CYP7B1: variants seen among roughly 807,000 people sequenced by gnomAD.
CYP7B1 encodes the protein cytochrome P450 family 7 subfamily B member 1.
A neutral mutation model predicts 42.7 loss-of-function variants in CYP7B1; 29 were observed. The observed-to-expected ratio is 0.68, with a 90% CI of 0.51 to 0.93. The LOEUF (loss-of-function observed/expected upper bound fraction) is 0.93. Among genes scored for constraint, CYP7B1 ranks in the 40% least tolerant of loss-of-function variants. The probability of loss-of-function intolerance (pLI) is 0.00; values close to 1 mark genes in which losing one functional copy is unlikely to be tolerated. For synonymous variants in CYP7B1, 235 were observed against 218.2 expected (o/e 1.08, Z -0.68); for missense variants, 655 against 600.5 (o/e 1.09, Z -0.95).
chr8:64,622,655 C>A (rs1243995972), intron 2 of CYP7B1, among the ~76,000 whole-genome samples: 1 of 151,904 alleles, frequency 6.6e-6, no homozygotes, highest in African/African-American at 2.4e-5. Context: ...TAGAGGGGAA[C>A]CTTAAGCATG....
chr8:64,730,978 C>T (rs1807400715), intron 1 of CYP7B1, among the ~76,000 whole-genome samples: 1 of 152,148 alleles, frequency 6.6e-6, no homozygotes, highest in Non-Finnish European at 1.5e-5. Context: ...TTTCCCTCCT[C>T]ACTCTGCACT....
intron 1 of CYP7B1, among the ~76,000 whole-genome samples, chr8:64,685,590 G>C (rs1483226383): frequency 3.6e-5 from 1 of 27,530 alleles, no homozygotes; most frequent in East Asian, 6.5e-4. Context: ...GTCTCTGCCC[G>C]GCCGCCCCGT....
chr8:64,797,860 C>T (rs1391905862), intron 1 of CYP7B1, among the ~76,000 whole-genome samples: 1 of 152,168 alleles, frequency 6.6e-6, no homozygotes, highest in African/African-American at 2.4e-5. Context: ...TAAAGTGACA[C>T]ACGTCTAGAT....
chr8:64,709,096 TCTTCTCTATCAGCTCTGCA>T (rs1807042705), intron 1 of CYP7B1, among the ~76,000 whole-genome samples: 1 of 152,196 alleles, frequency 6.6e-6, no homozygotes, highest in Non-Finnish European at 1.5e-5. Context: ...TGCAGGATTC[TCTTCTCTATCAGCTCTGCA>T]CCAGAGGCAA....
intron 1 of CYP7B1, among the ~76,000 whole-genome samples, chr8:64,716,078 T>C (rs961132207): frequency 9.8e-5 from 15 of 152,368 alleles, no homozygotes; most frequent in African/African-American, 3.6e-4. Flanking sequence ...TGTTCTAACA[T>C]AAGCATTTAA....
intron 1 of CYP7B1, among the ~76,000 whole-genome samples, chr8:64,634,095 T>C (rs1446780979): frequency 6.6e-6 from 1 of 152,220 alleles, no homozygotes. Context: ...GATTTGCACA[T>C]GACATAAACA....
chr8:64,768,339 C>T (rs1804146264), intron 1 of CYP7B1, among the ~76,000 whole-genome samples: 1 of 151,202 alleles, frequency 6.6e-6, no homozygotes, highest in African/African-American at 2.4e-5. Context: ...TCTGTTTTCA[C>T]TCTATTAAAT....
intron 1 of CYP7B1, among the ~76,000 whole-genome samples, chr8:64,758,535 T>C (rs1807842052): frequency 1.3e-5 from 2 of 152,038 alleles, no homozygotes; most frequent in Non-Finnish European, 2.9e-5. Context: ...TTTAATATTA[T>C]TTAAATTTAT....
At chr8:64,601,007 C>T (rs1004935685) in intron 5 of CYP7B1, among the ~76,000 whole-genome samples, 2 of 152,246 alleles carry the variant, frequency 1.3e-5, no homozygotes, top group African/African-American at 2.4e-5. Flanking sequence ...ATGTTTGTTT[C>T]CTTTAAGTCT....
At chr8:64,613,715 A>G (rs1805394366) in intron 4 of CYP7B1, among the ~76,000 whole-genome samples, 1 of 152,192 alleles carries the variant, frequency 6.6e-6, no homozygotes, top group African/African-American at 2.4e-5. Context: ...AAAAGAAAAT[A>G]TAAAATTTAT....
chr8:64,777,714 C>A (rs1804349724), intron 1 of CYP7B1, among the ~76,000 whole-genome samples: 1 of 151,844 alleles, frequency 6.6e-6, no homozygotes, highest in Admixed American at 6.6e-5. Context: ...TATCTATAAC[C>A]CAAAGACTCC....
intron 1 of CYP7B1, among the ~76,000 whole-genome samples, chr8:64,765,244 T>A (rs1009255791): frequency 1.3e-5 from 2 of 152,210 alleles, no homozygotes; most frequent in African/African-American, 4.8e-5. Context: ...TTGCTAAAAG[T>A]TAACAGTGTA....
chr8:64,777,205 G>T (rs1804341009), intron 1 of CYP7B1, among the ~76,000 whole-genome samples: 1 of 149,886 alleles, frequency 6.7e-6, no homozygotes, highest in African/African-American at 2.5e-5. Flanking sequence ...AATTAGAGGT[G>T]ATTAAATACA....
At chr8:64,721,954 C>CT (rs1807243180) in intron 1 of CYP7B1, among the ~76,000 whole-genome samples, 1 of 151,978 alleles carries the variant, frequency 6.6e-6, no homozygotes, top group South Asian at 2.1e-4. Context: ...AGGGCCTGTT[C>CT]TTGCTTAAAA....
intron 1 of CYP7B1, among the ~76,000 whole-genome samples, chr8:64,705,955 T>C (rs1196112298): frequency 6.6e-6 from 1 of 152,028 alleles, no homozygotes; most frequent in Non-Finnish European, 1.5e-5. Context: ...GCATTTAACA[T>C]TGTGGTGTAT....
chr8:64,771,157 T>C (rs1804221186), intron 1 of CYP7B1, among the ~76,000 whole-genome samples: 1 of 144,180 alleles, frequency 6.9e-6, no homozygotes, highest in Admixed American at 7.3e-5. Flanking sequence ...GCCTCCTGGG[T>C]TCAAGTGATT....
In CYP7B1 at chr8:64,591,637, C is replaced by T. The variant is rs928629061; in HGVS notation, c.*5005G>A. Reference sequence around the variant, plus strand: ...AGTATGGAAGCTCCTTTGCCTTAGACTTGTGACCCAAAACTTAATTATAAA... The same window carrying T: ...AGTATGGAAGCTCCTTTGCCTTAGATTTGTGACCCAAAACTTAATTATAAA... On this transcript the variant is annotated 3_prime_UTR_variant, in exon 6 of 6. Coordinates refer to ENST00000310193, the MANE Select transcript of CYP7B1 (RefSeq NM_004820.5). Among the ~76,000 whole-genome samples the T allele has an allele frequency of 6.6e-6, 1 of 152,098 alleles. No homozygotes were observed. Among genetic ancestry groups the T allele is most frequent in the African/African-American group, 2.4e-5 (1 of 41,418 alleles).
chr8:64,700,555 A>G (rs1042714375), intron 1 of CYP7B1, among the ~76,000 whole-genome samples: 29 of 152,146 alleles, frequency 1.9e-4, no homozygotes, highest in African/African-American at 7.0e-4. Flanking sequence ...AGAACTCAAT[A>G]TATCTTTTGT....
At chr8:64,629,824 T>C (rs1243870570) in intron 1 of CYP7B1, among the ~76,000 whole-genome samples, 4 of 152,340 alleles carry the variant, frequency 2.6e-5, no homozygotes, top group Non-Finnish European at 4.4e-5. Context: ...AAGAATTGCA[T>C]GTTTGTCAGG....
Sources: gnomAD v4.1 joint callset for allele counts (sites outside exome capture counted in the v4.1 genomes callset) on GRCh38, gnomAD v4.1.1 for gene constraint, MANE v1.5 for transcripts, NCBI Gene and HGNC (gene_info 2026-07-23, HGNC 2026-07-21) for gene names.